The following GALM variants were observed in gnomAD, a reference collection of about 807,000 sequenced individuals.
GALM encodes the protein aldose 1-epimerase.
In GALM, 43 loss-of-function variants were observed where a neutral mutation model predicts 37.4. That is an observed-to-expected ratio of 1.15 (90% CI 0.90 to 1.48). The LOEUF is 1.48. Among genes scored for constraint, GALM ranks in the 40% most tolerant of loss-of-function variants. The probability of loss-of-function intolerance (pLI) is 0.00; values close to 1 mark genes in which losing one functional copy is unlikely to be tolerated. For missense variants in GALM, 456 were observed against 419.1 expected (o/e 1.09, Z -0.77); for synonymous variants, 199 against 170.6 (o/e 1.17, Z -1.30).
chr2:38,718,196 C>CTTTTTTTTTTT (rs3059479), intron 4 of GALM, among the ~76,000 whole-genome samples: 1 of 131,284 alleles, frequency 7.6e-6, no homozygotes, highest in Non-Finnish European at 1.6e-5. Context: ...TTTTTCTTTT[C>CTTTTTTTTTTT]TTTTTTTTTT....
At chr2:38,689,382 G>T (rs886742025) in intron 3 of GALM, among the ~76,000 whole-genome samples, 3 of 152,168 alleles carry the variant, frequency 2.0e-5, no homozygotes, top group Admixed American at 2.0e-4. Context: ...TGGGCTAGAG[G>T]GGGGTGCCAG....
intron 4 of GALM, among the ~76,000 whole-genome samples, chr2:38,715,754 C>G (rs1666258485): frequency 6.6e-6 from 1 of 152,134 alleles, no homozygotes; most frequent in South Asian, 2.1e-4. Context: ...TTTCCTAACT[C>G]CAGAGTTACG....
At chr2:38,701,622 G>C (rs1199933009) in intron 4 of GALM, among the ~76,000 whole-genome samples, 1 of 152,094 alleles carries the variant, frequency 6.6e-6, no homozygotes, top group Non-Finnish European at 1.5e-5. Context: ...GGAAACGCTT[G>C]CCATGAGGCT....
At chr2:38,672,045 CA>C (rs1006760219) in intron 1 of GALM, among the ~76,000 whole-genome samples, 1 of 150,874 alleles carries the variant, frequency 6.6e-6, no homozygotes, top group Non-Finnish European at 1.5e-5. Flanking sequence ...AAAAAAACAA[CA>C]AAAAAACCCT....
intron 1 of GALM, chr2:38,671,380 G>A (rs1037953711): frequency 6.6e-6 from 1 of 152,260 alleles, no homozygotes; most frequent in Non-Finnish European, 1.5e-5. Flanking sequence ...GGAGGCCTCA[G>A]GAAACTTACA....
intron 1 of GALM, among the ~76,000 whole-genome samples, chr2:38,669,939 T>C (rs1375368776): frequency 6.7e-6 from 1 of 149,060 alleles, no homozygotes; most frequent in African/African-American, 2.5e-5. Flanking sequence ...CTCGGCTCAC[T>C]GCAGCCTCCA....
intron 4 of GALM, among the ~76,000 whole-genome samples, chr2:38,710,798 G>C (rs1414312683): frequency 6.0e-5 from 9 of 150,380 alleles, no homozygotes; most frequent in African/African-American, 2.2e-4. Context: ...TTATTGCCCA[G>C]GCTGGAGTGC....
rs200153954 is a variant in GALM at position 38,686,227 on chromosome 2, T to TCCTTCCTTCCTTCCTTCCTTCCTTCCTTC, written c.553-3585_553-3584insCTTCCTTCCTTCCTTCCTTCCTTCCTTCC. 2.3e-3 allele frequency among the ~76,000 whole-genome samples: 38 copies of TCCTTCCTTCCTTCCTTCCTTCCTTCCTTC among 16,354 alleles called. 6 individuals are homozygous for TCCTTCCTTCCTTCCTTCCTTCCTTCCTTC. In the East Asian group the frequency reaches 0.024, roughly 10 times the overall value. The allele number at this position is 16,354 out of a possible 152,430, so 10.7% of individuals were successfully genotyped here. A position where few individuals can be genotyped will look rare whatever the true frequency, so the allele number is the denominator to read the frequency against. On this transcript the variant is annotated intron_variant, in intron 3 of 6. Coordinates refer to ENST00000272252, the MANE Select transcript of GALM (RefSeq NM_138801.3). ...AAACCACAGAAAGTGGAAATTTCTT[T>TCCTTCCTTCCTTCCTTCCTTCCTTCCTTC]CTTTCTTTCTTTCTTTCTTTCTTTC...
chr2:38,731,064 A>G (rs1666598385), intron 5 of GALM, among the ~76,000 whole-genome samples: 3 of 151,930 alleles, frequency 2.0e-5, no homozygotes, highest in African/African-American at 2.4e-5. Context: ...CGACAATACT[A>G]AAAGTACAAA....
chr2:38,697,949 G>GT, intron 4 of GALM, among the ~76,000 whole-genome samples: 1 of 151,688 alleles, frequency 6.6e-6, no homozygotes, highest in East Asian at 1.9e-4. Flanking sequence ...TGGGTTTTGG[G>GT]GTTTTTTTTT....
chr2:38,711,770 TCACCATCACTGTCACCAC>T (rs1666169035), intron 4 of GALM, among the ~76,000 whole-genome samples: 1 of 146,968 alleles, frequency 6.8e-6, no homozygotes, highest in Non-Finnish European at 1.5e-5. Context: ...ACCACCATTA[TCACCATCACTGTCACCAC>T]CATCACCATC....
intron 5 of GALM, among the ~76,000 whole-genome samples, chr2:38,730,017 A>T (rs766154874): frequency 3.3e-5 from 5 of 152,050 alleles, no homozygotes; most frequent in Non-Finnish European, 5.9e-5. Flanking sequence ...GAACTTCCAG[A>T]GCCTTTGTGC....
intron 5 of GALM, among the ~76,000 whole-genome samples, chr2:38,731,512 T>C (rs909799002): frequency 6.6e-6 from 1 of 151,882 alleles, no homozygotes; most frequent in African/African-American, 2.4e-5. Context: ...TGTTTTGTGA[T>C]GCCCCAAAGA....
chr2:38,693,466 G>A (rs775303015), intron 4 of GALM, among the ~76,000 whole-genome samples: 53 of 140,668 alleles, frequency 3.8e-4, no homozygotes, highest in East Asian at 1.1e-3. Context: ...CTGGGAAACA[G>A]AGCGAGACTC....
chr2:38,700,194 C>T (rs577904088), intron 4 of GALM, among the ~76,000 whole-genome samples: 28 of 152,182 alleles, frequency 1.8e-4, no homozygotes, highest in African/African-American at 6.0e-4. Context: ...TCAAGTGATC[C>T]GCCCACCTCA....
intron 4 of GALM, among the ~76,000 whole-genome samples, chr2:38,691,410 G>T (rs956935699): frequency 9.9e-5 from 15 of 152,118 alleles, no homozygotes; most frequent in African/African-American, 2.2e-4. Context: ...GGGTATGGTG[G>T]CTCACACCTG....
In GALM at chr2:38,733,859, T is replaced by A; in HGVS notation, c.*294T>A. On this transcript the variant is annotated 3_prime_UTR_variant, in exon 7 of 7. Coordinates refer to ENST00000272252, the MANE Select transcript of GALM (RefSeq NM_138801.3). ...CAGGGACTCCCATGCTGCTGTTGGC[T>A]CCATCTCTCCACACTGCCTCTTTCT... is the stretch of plus-strand genomic sequence containing the variant. 2.5e-6 allele frequency: 1 copy of A among 402,638 alleles called. No homozygotes were observed. The highest frequency in any genetic ancestry group is 4.6e-6 in the Non-Finnish European group (1 of 215,086). The allele number at this position is 402,638 out of a possible 1,614,324, so 24.9% of individuals were successfully genotyped here. A position where few individuals can be genotyped will look rare whatever the true frequency, so the allele number is the denominator to read the frequency against.
In GALM at chr2:38,690,532, C is replaced by T. The variant is rs183475497; in HGVS notation, c.634+638C>T. Among the ~76,000 whole-genome samples, 1,407 of 152,052 alleles carry T rather than the reference C, an allele frequency of 9.3e-3. 80 individuals carry two copies. Among genetic ancestry groups the T allele is most frequent in the Admixed American group, 0.081 (1,236 of 15,250 alleles). On this transcript the variant is annotated intron_variant, in intron 4 of 6. Coordinates refer to ENST00000272252, the MANE Select transcript of GALM (RefSeq NM_138801.3). ...GCTCACTGCTGCCTAGACCTCCTCC[C>T]CAGGCTCAGATGATTCTCCCATCTC... is the stretch of plus-strand genomic sequence containing the variant.
intron 6 of GALM, among the ~76,000 whole-genome samples, chr2:38,732,990 G>T (rs1162769193): frequency 6.6e-6 from 1 of 151,494 alleles, no homozygotes; most frequent in Non-Finnish European, 1.5e-5. Context: ...AGAGTCTGAG[G>T]CAGGTGTATC....
Sources: allele counts gnomAD v4.1 joint callset (sites outside exome capture counted in the v4.1 genomes callset), GRCh38; gene constraint gnomAD v4.1.1; transcripts MANE v1.5; gene names NCBI Gene and HGNC (gene_info 2026-07-23, HGNC 2026-07-21).